ZNF616: variants seen among roughly 807,000 people sequenced by gnomAD.
ZNF616 encodes zinc finger protein 616.
A neutral mutation model predicts 7.6 loss-of-function variants in ZNF616; 5 were observed. That is an observed-to-expected ratio of 0.66 (90% CI 0.34 to 1.38). The LOEUF (loss-of-function observed/expected upper bound fraction) is 1.38, where lower values mean the gene tolerates loss of function less well. Among genes scored for constraint, ZNF616 ranks in the 40% most tolerant of loss-of-function variants. ZNF616 has a pLI of 0.04. For synonymous variants in ZNF616, 319 were observed against 317.2 expected, an observed-to-expected ratio of 1.01 and a Z score of -0.06; for missense variants, 913 against 948.3, an observed-to-expected ratio of 0.96 and a Z score of 0.49.
rs1023239142 is a variant in ZNF616 at position 52,130,674 on chromosome 19, G to C, written c.-76-86C>G. The C allele has an allele frequency of 1.2e-5, 12 of 995,200 alleles. No individual in the cohort carries two copies. The South Asian group carries it at 1.9e-4, about 16-fold the overall frequency. 61.6% of individuals were successfully genotyped at this position (995,200 alleles called of 1,614,324 possible). On this transcript the variant is annotated intron_variant, in intron 1 of 3. Transcript: ENST00000600228. Reference sequence around the variant, plus strand: ...AACCATGCACACAGGGAAGAACTCAGCCTGTGGAGAGACAGCCCACTGCAC... The same window carrying C: ...AACCATGCACACAGGGAAGAACTCACCCTGTGGAGAGACAGCCCACTGCAC...
intron 3 of ZNF616, among the ~76,000 whole-genome samples, chr19:52,118,994 C>A (rs2088846415): frequency 6.6e-6 from 1 of 152,120 alleles, no homozygotes; most frequent in South Asian, 2.1e-4. Flanking sequence ...TAACAGGTCA[C>A]CCCAAATACT....
chr19:52,123,497 T>G (rs2088880415), intron 3 of ZNF616, among the ~76,000 whole-genome samples: 1 of 152,046 alleles, frequency 6.6e-6, no homozygotes, highest in South Asian at 2.1e-4. Context: ...ACGGGCATGG[T>G]GGCACGCACG....
rs1405051850 is a variant in ZNF616, at chr19:52,139,110, T to C, written c.-77+622A>G. On this transcript the variant is annotated intron_variant, in intron 1 of 3. Transcript: ENST00000600228. The surrounding 1 kb of genome is among the most constrained non-coding windows in gnomAD (Gnocchi z 4.1). ...CATCCATTTTGCCGTGTACTCATTC[T>C]TTTCTCCCCAGTTTTTCTTTCTGTC... 6.6e-6 allele frequency among the ~76,000 whole-genome samples: 1 copy of C among 152,166 alleles called. No individual in the cohort carries two copies. The highest frequency in any genetic ancestry group is 1.5e-5 in the Non-Finnish European group (1 of 68,048).
At chr19:52,131,741 T>A (rs2088962031) in intron 1 of ZNF616, among the ~76,000 whole-genome samples, 1 of 152,164 alleles carries the variant, frequency 6.6e-6, no homozygotes, top group Non-Finnish European at 1.5e-5. Context: ...TGGGTTGCCA[T>A]TTTCCCCAGA....
Position 52,115,191 on chromosome 19 carries a change from T to C in ZNF616, c.1973A>G (p.Asp658Gly). The change falls in exon 4 of 4, where the codon GAC becomes GGC. Residue 658 changes from aspartate to glycine, a missense_variant. Transcript: ENST00000600228. ...LRLHQTVHTG[D>G]RPYKCNECGK... ...ACACTCATTACATTTGTAAGGTCTG[T>C]CTCCAGTATGAACAGTCTGATGAAG... The C allele has an allele frequency of 1.2e-6, 2 of 1,614,216 alleles. No individual in the cohort carries two copies. Among genetic ancestry groups the C allele is most frequent in the East Asian group, 4.5e-5 (2 of 44,884 alleles).
In ZNF616 at chr19:52,115,542, C is replaced by A; in HGVS notation, c.1622G>T (p.Arg541Ile). The change falls in exon 4 of 4, where the codon AGA becomes ATA. Residue 541 changes from arginine to isoleucine, a missense_variant. By Grantham distance (97) the Arg-to-Ile change is moderately conservative. Transcript: ENST00000600228. ...SDRSAFARHR[R>I]IHTGEKPYKC... ...GTAAGGCTTCTCTCCAGTATGAATT[C>A]TCCGATGCCTTGCAAAAGCTGAACG... 1.2e-6 allele frequency: 2 copies of A among 1,614,004 alleles called. No individual in the cohort carries two copies. The highest frequency in any genetic ancestry group is 1.1e-5 in the South Asian group (1 of 91,066).
chr19:52,129,178 G>T (rs1320054716), intron 2 of ZNF616, among the ~76,000 whole-genome samples: 1 of 152,116 alleles, frequency 6.6e-6, no homozygotes, highest in Non-Finnish European at 1.5e-5. Flanking sequence ...TTGGGAGGCT[G>T]AGGCAAGAGA....
chr19:52,123,759 C>T (rs887236104), intron 3 of ZNF616, among the ~76,000 whole-genome samples, 164 bp downstream of exon 3: 22 of 152,276 alleles, frequency 1.4e-4, no homozygotes, highest in South Asian at 2.1e-4. Context: ...AATATATATA[C>T]AAAGGTGACA....
chr19:52,121,928 A>G (rs8105879), intron 3 of ZNF616, among the ~76,000 whole-genome samples: 3,101 of 152,242 alleles, frequency 0.02, 115 homozygotes, highest in African/African-American at 0.071. Context: ...TCATTCCCTA[A>G]GCATGACGGG....
chr19:52,115,586 A>C lies in ZNF616; in HGVS notation c.1578T>G (p.Cys526Trp), dbSNP rs2088812406. The C allele has an allele frequency of 5.6e-6, 9 of 1,613,888 alleles. No homozygotes were observed. Among genetic ancestry groups the C allele is most frequent in the Non-Finnish European group, 7.6e-6 (9 of 1,179,994 alleles). ...CTGAACGGTCACTGAAGACCTTGCC[A>C]CATTCTTTGCATTTGTAAGGTTTCT... ...TGEKPYKCKE[C>W]GKVFSDRSAF... Residue 526 changes from cysteine (C) to tryptophan (W), a missense_variant, in exon 4 of 4, where the codon TGT (cysteine) becomes TGG (tryptophan). Coordinates refer to ENST00000600228, the MANE Select transcript of ZNF616 (RefSeq NM_178523.5).
intron 3 of ZNF616, among the ~76,000 whole-genome samples, chr19:52,120,993 GAA>G (rs1434979160): frequency 2.0e-5 from 3 of 152,274 alleles, no homozygotes; most frequent in Admixed American, 2.0e-4. Context: ...CAGCACGAAA[GAA>G]TTTTTTCAGA....
chr19:52,130,878 C>T (rs771052548), intron 1 of ZNF616, among the ~76,000 whole-genome samples: 2 of 152,330 alleles, frequency 1.3e-5, no homozygotes, highest in South Asian at 4.1e-4. Context: ...CCCCATGCAG[C>T]GCACAGCCCC....
chr19:52,134,345 T>G lies in ZNF616; in HGVS notation c.-76-3757A>C, dbSNP rs1056334561. Reference sequence around the variant, plus strand: ...ATTTATTAACTACAAAAGGATCGAATTTGTTGTGATTTTGTCCTTCAACAA... The same window carrying G: ...ATTTATTAACTACAAAAGGATCGAAGTTGTTGTGATTTTGTCCTTCAACAA... On this transcript the variant is annotated intron_variant, in intron 1 of 3. Transcript: ENST00000600228. 2.0e-5 allele frequency among the ~76,000 whole-genome samples: 3 copies of G among 152,224 alleles called. No individual in the cohort carries two copies. The East Asian group carries it at 5.8e-4, about 29-fold the overall frequency.
At position 52,115,389 on chromosome 19, in the gene ZNF616, AGAT is replaced by A; in HGVS notation, c.1772_1774del (p.His591del). The A allele has an allele frequency of 1.2e-6, 2 of 1,614,114 alleles. No homozygotes were observed. Among genetic ancestry groups the A allele is most frequent in the South Asian group, 2.2e-5 (2 of 91,088 alleles). On this transcript the variant is annotated inframe_deletion, in exon 4 of 4. Coordinates refer to ENST00000600228, the MANE Select transcript of ZNF616 (RefSeq NM_178523.5). The stretch of plus-strand genomic sequence containing the variant: ...AGTATGAACTCTTCGATGCCCTACA[AGAT>A]GTGAATACTGACTGTAGACCTTGCC...
chr19:52,120,985 G>T lies in ZNF616; in HGVS notation c.139+2938C>A, dbSNP rs551703906. On this transcript the variant is annotated intron_variant, in intron 3 of 3. Coordinates refer to ENST00000600228, the MANE Select transcript of ZNF616 (RefSeq NM_178523.5). Reference sequence around the variant, plus strand: ...ATGCACAACGCATCTCCCAAAAACAGCACGAAAGAATTTTTTCAGAACTTC... The same window carrying T: ...ATGCACAACGCATCTCCCAAAAACATCACGAAAGAATTTTTTCAGAACTTC... Among the ~76,000 whole-genome samples the T allele has an allele frequency of 7.9e-5, 12 of 152,282 alleles. No individual in the cohort carries two copies. The South Asian group carries it at 2.5e-3, about 32-fold the overall frequency.
chr19:52,131,264 CAAAAAAAAAAA>C lies in ZNF616; in HGVS notation c.-76-687_-76-677del, dbSNP rs61359785. On this transcript the variant is annotated intron_variant, in intron 1 of 3. Coordinates refer to ENST00000600228, the MANE Select transcript of ZNF616 (RefSeq NM_178523.5). ...GCCTGGGCGACAGAGACTCTGTCAC[CAAAAAAAAAAA>C]AAAAAAAAAAAAAAATCAACTTGGG... is the stretch of plus-strand genomic sequence containing the variant. 2.3e-4 allele frequency among the ~76,000 whole-genome samples: 9 copies of C among 39,770 alleles called. 1 individual carries two copies. The highest frequency in any genetic ancestry group is 7.0e-4 in the African/African-American group (8 of 11,388). 26.1% of individuals were successfully genotyped at this position (39,770 alleles called of 152,430 possible). A position where few individuals can be genotyped will look rare whatever the true frequency, so the allele number is the denominator to read the frequency against.
At chr19:52,130,884 GC>G (rs1242050821) in intron 1 of ZNF616, among the ~76,000 whole-genome samples, 1 of 152,196 alleles carries the variant, frequency 6.6e-6, no homozygotes, top group Non-Finnish European at 1.5e-5. Flanking sequence ...GCAGCGCACA[GC>G]CCCCCGTCAC....
At chr19:52,119,817 T>A (rs2088852811) in intron 3 of ZNF616, among the ~76,000 whole-genome samples, 1 of 152,232 alleles carries the variant, frequency 6.6e-6, no homozygotes, top group Non-Finnish European at 1.5e-5. Context: ...TATGTCTTTA[T>A]AATATATGCT....
Position 52,139,607 on chromosome 19 carries a change from G to A in ZNF616, c.-77+125C>T, listed in dbSNP as rs938224366. 1 of 152,260 alleles carries A rather than the reference G, an allele frequency of 6.6e-6. No homozygotes were observed. Among genetic ancestry groups the A allele is most frequent in the Non-Finnish European group, 1.5e-5 (1 of 68,120 alleles). 9.4% of individuals were successfully genotyped at this position (152,260 alleles called of 1,614,324 possible). On this transcript the variant is annotated intron_variant, in intron 1 of 3. Transcript: ENST00000600228. This position sits in a 1 kb window ranked among gnomAD's most constrained non-coding sequence, Gnocchi z 4.1. ...GGGGCCGAAGCAGGGGTCAATGAGA[G>A]TTTTAAGCAGGAACACGACCTGAAT... is the stretch of plus-strand genomic sequence containing the variant.
Sources: gnomAD v4.1 joint callset for allele counts (sites outside exome capture counted in the v4.1 genomes callset) on GRCh38, gnomAD v4.1.1 for gene constraint, Gnocchi (gnomAD v3.1) non-coding constraint, MANE v1.5 for transcripts, NCBI Gene and HGNC (gene_info 2026-07-23, HGNC 2026-07-21) for gene names.